The following SLC24A3 variants were observed in gnomAD, a reference collection of about 807,000 sequenced individuals.
SLC24A3 encodes solute carrier family 24 member 3.
A neutral mutation model predicts 75.8 loss-of-function variants in SLC24A3; 28 were observed. The ratio of observed to expected loss-of-function variants is 0.37; its 90% CI spans 0.27 to 0.51. The LOEUF (loss-of-function observed/expected upper bound fraction) is 0.51. SLC24A3 is among the 20% of genes least tolerant of loss of function. SLC24A3 has a pLI of 0.94. For synonymous variants in SLC24A3, 372 were observed against 334.1 expected (o/e 1.11, Z -1.24); for missense variants, 663 against 847.8 (o/e 0.78, Z 2.71).
intron 2 of SLC24A3, among the ~76,000 whole-genome samples, chr20:19,292,734 T>G (rs1187858801): frequency 6.6e-6 from 1 of 152,226 alleles, no homozygotes; most frequent in Non-Finnish European, 1.5e-5. Context: ...CTTGTCGTAG[T>G]CTGCTCAGGC....
At chr20:19,697,006 G>A (rs41279000) in intron 14 of SLC24A3, 95 bp downstream of exon 14, 62 of 359,494 alleles carry the variant, frequency 1.7e-4, no homozygotes, top group Middle Eastern at 6.6e-4. Flanking sequence ...AAGGCAGGAG[G>A]GAGAAGAGAA....
At chr20:19,586,761 G>C (rs557884794) in intron 6 of SLC24A3, among the ~76,000 whole-genome samples, 1 of 152,304 alleles carries the variant, frequency 6.6e-6, no homozygotes, top group African/African-American at 2.4e-5. Context: ...ATCTCATCGG[G>C]ATTCAGCTCC....
intron 3 of SLC24A3, among the ~76,000 whole-genome samples, chr20:19,516,706 G>A (rs1051400918): frequency 7.2e-5 from 11 of 152,208 alleles, no homozygotes; most frequent in Admixed American, 2.6e-4. Context: ...AGACTTCCAC[G>A]TGGCAGCCCA....
chr20:19,324,016 C>T (rs1984779855), intron 2 of SLC24A3, among the ~76,000 whole-genome samples: 2 of 152,252 alleles, frequency 1.3e-5, no homozygotes, highest in South Asian at 2.1e-4. Context: ...CATGAGATCA[C>T]ACACAGGGAG....
chr20:19,229,619 A>G (rs73899679), intron 1 of SLC24A3, among the ~76,000 whole-genome samples: 131 of 22,560 alleles, frequency 5.8e-3, no homozygotes, highest in African/African-American at 0.055. Context: ...GTGTGTGTGT[A>G]TATATATATA....
At chr20:19,329,689 A>G (rs1984953827) in intron 2 of SLC24A3, among the ~76,000 whole-genome samples, 1 of 152,222 alleles carries the variant, frequency 6.6e-6, no homozygotes, top group East Asian at 1.9e-4. Flanking sequence ...AACAGATAAG[A>G]TCCCTCCTTC....
chr20:19,233,510 AG>A (rs1055693979), intron 1 of SLC24A3, among the ~76,000 whole-genome samples: 5 of 152,212 alleles, frequency 3.3e-5, no homozygotes, highest in Non-Finnish European at 7.3e-5. Context: ...TAGAGTAGGA[AG>A]GAGGGGAGGA....
chr20:19,332,181 A>C (rs1985014983), intron 2 of SLC24A3, among the ~76,000 whole-genome samples: 1 of 152,188 alleles, frequency 6.6e-6, no homozygotes, highest in Non-Finnish European at 1.5e-5. Context: ...AGGTTGGAAG[A>C]ATGAAGTGAC....
intron 1 of SLC24A3, among the ~76,000 whole-genome samples, chr20:19,272,216 T>C (rs907836657): frequency 6.6e-6 from 1 of 152,240 alleles, no homozygotes; most frequent in Admixed American, 6.5e-5. Flanking sequence ...TTGCTGATCC[T>C]GCCAGGAGGG....
intron 15 of SLC24A3, 151 bp from the exon 16 acceptor site, chr20:19,717,377 G>A (rs2033055594): frequency 1.4e-6 from 1 of 708,656 alleles, no homozygotes; most frequent in African/African-American, 1.8e-5. Flanking sequence ...AAGCTGTGGA[G>A]CTGGCTGCTG....
intron 1 of SLC24A3, among the ~76,000 whole-genome samples, chr20:19,257,196 C>T (rs1286844669): frequency 6.6e-6 from 1 of 152,224 alleles, no homozygotes; most frequent in Admixed American, 6.5e-5. Context: ...CACAGAGTCA[C>T]ATAAGGCGAG....
intron 2 of SLC24A3, among the ~76,000 whole-genome samples, chr20:19,466,443 G>A (rs199553160): frequency 1.3e-5 from 2 of 152,310 alleles, no homozygotes; most frequent in Non-Finnish European, 2.9e-5. Context: ...GAAGTGGCTC[G>A]TGGGTGTTCC....
intron 2 of SLC24A3, among the ~76,000 whole-genome samples, chr20:19,325,674 A>AT (rs1206242830): frequency 6.7e-6 from 1 of 148,718 alleles, no homozygotes; most frequent in African/African-American, 2.5e-5. Flanking sequence ...GGATTTGGAG[A>AT]TTTTTTTGTT....
At chr20:19,379,522 G>A (rs1208395853) in intron 2 of SLC24A3, among the ~76,000 whole-genome samples, 1 of 152,160 alleles carries the variant, frequency 6.6e-6, no homozygotes. Flanking sequence ...GGATCATGTT[G>A]TTATTTGTGC....
rs73113953 is a variant in SLC24A3 at position 19,588,702 on chromosome 20, G to A, written c.612+3158G>A. Among the ~76,000 whole-genome samples the A allele has an allele frequency of 4.5e-3, 684 of 152,298 alleles. 5 individuals are homozygous for A. The highest frequency in any genetic ancestry group is 0.01 in the Middle Eastern group (3 of 294). On this transcript the variant is annotated intron_variant, in intron 6 of 16. Coordinates refer to ENST00000328041, the MANE Select transcript of SLC24A3 (RefSeq NM_020689.4). The stretch of plus-strand genomic sequence containing the variant: ...ATAATAACAACAAAGAGAAAACACC[G>A]AGCTCTTGATGCAACATACTAATGT...
intron 8 of SLC24A3, among the ~76,000 whole-genome samples, chr20:19,667,879 G>A (rs1424100775): frequency 6.6e-6 from 1 of 152,218 alleles, no homozygotes; most frequent in Non-Finnish European, 1.5e-5. Context: ...GCCCGAGGCT[G>A]CAGCAGAAGG....
At chr20:19,643,095 C>T (rs975513880) in intron 6 of SLC24A3, among the ~76,000 whole-genome samples, 4 of 152,310 alleles carry the variant, frequency 2.6e-5, no homozygotes, top group South Asian at 2.1e-4. Flanking sequence ...ACAGTCATAG[C>T]AATCAGTATC....
At chr20:19,235,039 A>C (rs902011643) in intron 1 of SLC24A3, among the ~76,000 whole-genome samples, 6 of 152,088 alleles carry the variant, frequency 3.9e-5, no homozygotes, top group Non-Finnish European at 2.9e-5. Flanking sequence ...TAATGTGCCC[A>C]CTCCGGCTAT....
intron 1 of SLC24A3, among the ~76,000 whole-genome samples, chr20:19,276,694 C>A (rs1352627093): frequency 1.3e-5 from 2 of 151,954 alleles, no homozygotes; most frequent in African/African-American, 4.8e-5. Context: ...CACTTGAGGC[C>A]AGGAGTTTGA....
Sources: gnomAD v4.1 joint callset for allele counts (sites outside exome capture counted in the v4.1 genomes callset) on GRCh38, gnomAD v4.1.1 for gene constraint, MANE v1.5 for transcripts, NCBI Gene and HGNC (gene_info 2026-07-23, HGNC 2026-07-21) for gene names.